Variants in PIWIL3 observed in about 807,000 individuals in gnomAD.
PIWIL3 encodes the protein piwi-like protein 3.
PIWIL3 carries 101 observed loss-of-function variants against 109.7 expected under a neutral mutation model. The observed-to-expected ratio is 0.92, with a 90% confidence interval of 0.78 to 1.09. The LOEUF is 1.09. Ranked by LOEUF, PIWIL3 falls within the 50% of genes least tolerant of loss-of-function variation. The pLI is 0.00. For missense variants in PIWIL3, 1,031 were observed against 1,072.6 expected, an observed-to-expected ratio of 0.96 and a Z score of 0.54; for synonymous variants, 373 against 376.4, an observed-to-expected ratio of 0.99 and a Z score of 0.10.
rs1923507717 is a variant in PIWIL3 at position 24,734,069 on chromosome 22, C to G, written c.1707+15G>C. 1.2e-6 allele frequency: 2 copies of G among 1,601,732 alleles called. No homozygotes were observed. The highest frequency in any genetic ancestry group is 3.5e-5 in the Admixed American group (2 of 57,232). ...AATAACTAAAAGATTGTACATGTAT[C>G]AACTAGACACTTACCATCTGCAGTG... On this transcript the variant is annotated intron_variant, in intron 14 of 20. Coordinates refer to ENST00000616349, the MANE Select transcript of PIWIL3 (RefSeq NM_001255975.1).
intron 1 of PIWIL3, among the ~76,000 whole-genome samples, chr22:24,769,230 TTGTTA>T (rs1277600848): frequency 6.6e-6 from 1 of 152,212 alleles, no homozygotes; most frequent in African/African-American, 2.4e-5. Context: ...TTGTAAGTAG[TTGTTA>T]TGTTGTGTTG....
At chr22:24,744,705 A>AAT (rs1252947055) in intron 12 of PIWIL3, among the ~76,000 whole-genome samples, 2 of 152,220 alleles carry the variant, frequency 1.3e-5, no homozygotes, top group Non-Finnish European at 2.9e-5. Flanking sequence ...GACAATTGTA[A>AAT]ATATATATAC....
At chr22:24,728,074 G>A (rs1408238163) in intron 15 of PIWIL3, 21 bp from the exon 16 acceptor site, 7 of 1,611,578 alleles carry the variant, frequency 4.3e-6, no homozygotes, top group Non-Finnish European at 5.9e-6. Context: ...TTTTTGAAAA[G>A]GTAATGGAGT....
chr22:24,745,743 A>T (rs1924325303), intron 12 of PIWIL3, among the ~76,000 whole-genome samples: 3 of 147,278 alleles, frequency 2.0e-5, no homozygotes, highest in Admixed American at 1.3e-4. Flanking sequence ...AAAAAAGAAG[A>T]TCCAAATAAG....
intron 14 of PIWIL3, 94 bp from the exon 15 acceptor site, chr22:24,728,468 T>C (rs1923129994): frequency 1.4e-6 from 2 of 1,443,448 alleles, no homozygotes; most frequent in Non-Finnish European, 1.9e-6. Flanking sequence ...GGTGGAAGAC[T>C]AACAAGCTAG....
At position 24,753,121 on chromosome 22, in the gene PIWIL3, ATAG is replaced by A. The variant is rs748596088; in HGVS notation, c.977+890_977+892del. Among the ~76,000 whole-genome samples the A allele has an allele frequency of 9.0e-4, 137 of 152,286 alleles. No homozygotes were observed. The Middle Eastern group carries it at 0.014, about 15-fold the overall frequency. ...TTCCAGTTGTGTTTTCACAATTTTG[ATAG>A]TATAGTTTGAATAAGTTTTTAATTT... On this transcript the variant is annotated intron_variant, in intron 8 of 20. Transcript: ENST00000616349.
intron 1 of PIWIL3, among the ~76,000 whole-genome samples, chr22:24,763,329 C>T (rs535595332): frequency 8.2e-4 from 124 of 151,882 alleles, no homozygotes; most frequent in Middle Eastern, 3.4e-3. Context: ...TTGAGAGAGT[C>T]TCACTCTGTT....
At chr22:24,764,000 A>C (rs76840208) in intron 1 of PIWIL3, among the ~76,000 whole-genome samples, 2,161 of 152,272 alleles carry the variant, frequency 0.014, 17 homozygotes, top group Non-Finnish European at 0.023. Context: ...CCCTTTTCCA[A>C]GAGGGAGATC....
intron 14 of PIWIL3, among the ~76,000 whole-genome samples, chr22:24,730,233 C>A (rs554027155): frequency 1.3e-4 from 20 of 151,498 alleles, no homozygotes; most frequent in African/African-American, 4.6e-4. Flanking sequence ...GGCATGGTGG[C>A]GGGCACGTGT....
intron 12 of PIWIL3, among the ~76,000 whole-genome samples, chr22:24,747,932 C>T (rs1924468955): frequency 6.6e-6 from 1 of 152,096 alleles, no homozygotes; most frequent in South Asian, 2.1e-4. Flanking sequence ...CACTCCTAGG[C>T]ATATAGCCAA....
intron 1 of PIWIL3, among the ~76,000 whole-genome samples, chr22:24,763,607 T>C (rs1340016886): frequency 6.6e-6 from 1 of 152,024 alleles, no homozygotes; most frequent in East Asian, 1.9e-4. Context: ...GCCAAACTTC[T>C]CTAGAAATTT....
Position 24,744,192 on chromosome 22 carries a change from A to C in PIWIL3, c.1449+4715T>G, listed in dbSNP as rs1423461385. Among the ~76,000 whole-genome samples the C allele has an allele frequency of 6.0e-4, 88 of 147,478 alleles. 1 individual carries two copies. The highest frequency in any genetic ancestry group is 1.2e-3 in the Non-Finnish European group (80 of 66,832). ...AGTGACCGAATTAAAAAAAAAAAAA[A>C]AAAAAAAAAAAAAAACAATGATCTG... On this transcript the variant is annotated intron_variant, in intron 12 of 20. Transcript: ENST00000616349.
At chr22:24,751,566 A>T (rs558234138) in intron 8 of PIWIL3, 68 bp from the exon 9 acceptor site, 50 of 1,562,360 alleles carry the variant, frequency 3.2e-5, no homozygotes, top group Non-Finnish European at 4.0e-5. Context: ...CACAGAAAAT[A>T]GACATTTTTA....
chr22:24,750,214 C>T (rs1924620557), intron 9 of PIWIL3, among the ~76,000 whole-genome samples: 1 of 152,038 alleles, frequency 6.6e-6, no homozygotes, highest in African/African-American at 2.4e-5. Context: ...CAGTACCTGT[C>T]ATGTAGCACA....
chr22:24,720,271 T>TTG (rs1569093651), intron 19 of PIWIL3, among the ~76,000 whole-genome samples: 1 of 140,670 alleles, frequency 7.1e-6, no homozygotes, highest in Admixed American at 6.9e-5. Flanking sequence ...TTTTTTTTTT[T>TTG]TTTTTTTTTT....
Position 24,741,672 on chromosome 22 carries a change from A to G in PIWIL3, c.1450-5780T>C, listed in dbSNP as rs560353590. Reference sequence around the variant, plus strand: ...ACAAGTCTCAAATTGAAGAAAATCAAAATTATATCAAGTACTCTCTCAGAC... The same window carrying G: ...ACAAGTCTCAAATTGAAGAAAATCAGAATTATATCAAGTACTCTCTCAGAC... On this transcript the variant is annotated intron_variant, in intron 12 of 20. Coordinates refer to ENST00000616349, the MANE Select transcript of PIWIL3 (RefSeq NM_001255975.1). Among the ~76,000 whole-genome samples, 11 of 152,318 alleles carry G rather than the reference A, an allele frequency of 7.2e-5. No individual in the cohort carries two copies. The South Asian group carries it at 1.9e-3, about 26-fold the overall frequency.
chr22:24,755,814 C>T lies in PIWIL3; in HGVS notation c.662G>A (p.Cys221Tyr), dbSNP rs372796098. 1.9e-5 allele frequency: 31 copies of T among 1,613,846 alleles called. No homozygotes were observed. Among genetic ancestry groups the T allele is most frequent in the African/African-American group, 4.0e-5 (3 of 74,848 alleles). Residue 221 changes from cysteine (C) to tyrosine (Y), a missense_variant, in exon 6 of 21, where the codon TGC becomes TAC. Cys to Tyr is a radical substitution (Grantham distance 194). Coordinates refer to ENST00000616349, the MANE Select transcript of PIWIL3 (RefSeq NM_001255975.1). ...SKELTPTSPD[C>Y]LRYYNILFRR... ...AAAGAGAATGTTGTAATAGCGTAGG[C>T]AATCTGGCGACGTGGGCGTGAGTTC... is the stretch of plus-strand genomic sequence containing the variant.
At chr22:24,733,705 A>T (rs1923485355) in intron 14 of PIWIL3, among the ~76,000 whole-genome samples, 1 of 85,242 alleles carries the variant, frequency 1.2e-5, no homozygotes, top group African/African-American at 3.6e-5. Context: ...AACAAAAAAC[A>T]ACAACAACAA....
At chr22:24,763,682 G>GT (rs1259927818) in intron 1 of PIWIL3, among the ~76,000 whole-genome samples, 1 of 152,108 alleles carries the variant, frequency 6.6e-6, no homozygotes, top group Non-Finnish European at 1.5e-5. Context: ...ACGCTTGTCT[G>GT]TATGAGTCAG....
Sources: gnomAD v4.1 joint callset for allele counts (sites outside exome capture counted in the v4.1 genomes callset) on GRCh38, gnomAD v4.1.1 for gene constraint, MANE v1.5 for transcripts, NCBI Gene and HGNC (gene_info 2026-07-23, HGNC 2026-07-21) for gene names.